Variants in DNAH6 observed in about 807,000 individuals in gnomAD.
DNAH6 encodes the protein dynein axonemal heavy chain 6.
A neutral mutation model predicts 491.4 loss-of-function variants in DNAH6; 340 were observed. That is an observed-to-expected ratio of 0.69 (90% confidence interval 0.63 to 0.76). The LOEUF (loss-of-function observed/expected upper bound fraction) is 0.76, where lower values mean the gene tolerates loss of function less well. Among genes scored for constraint, DNAH6 ranks in the 30% least tolerant of loss-of-function variants. DNAH6 has a pLI of 0.00. For synonymous variants in DNAH6, 1,603 were observed against 1,686.1 expected (o/e 0.95, Z 1.21); for missense variants, 4,443 against 4,972.2 (o/e 0.89, Z 3.20).
chr2:84,655,552 A>G (rs907098413), intron 35 of DNAH6, among the ~76,000 whole-genome samples: 1 of 152,132 alleles, frequency 6.6e-6, no homozygotes, highest in Non-Finnish European at 1.5e-5. Context: ...AGGCATCAAC[A>G]GTTTTAAGAA....
intron 63 of DNAH6, among the ~76,000 whole-genome samples, chr2:84,756,132 C>T (rs993533990): frequency 1.3e-5 from 2 of 152,180 alleles, no homozygotes; most frequent in Non-Finnish European, 2.9e-5. Context: ...AAAATGGACT[C>T]ATACACTATC....
At chr2:84,587,452 A>C (rs1341845937) in intron 15 of DNAH6, among the ~76,000 whole-genome samples, 1 of 152,198 alleles carries the variant, frequency 6.6e-6, no homozygotes, top group East Asian at 1.9e-4. Context: ...AGCATGATGC[A>C]CTTACACAAA....
At chr2:84,678,062 G>C (rs572880072) in intron 41 of DNAH6, among the ~76,000 whole-genome samples, 18 of 152,290 alleles carry the variant, frequency 1.2e-4, no homozygotes, top group Admixed American at 1.3e-4. Flanking sequence ...TCTCTCAAGA[G>C]GGACAGACCC....
intron 61 of DNAH6, among the ~76,000 whole-genome samples, chr2:84,733,200 T>C (rs1699258590): frequency 6.6e-6 from 1 of 152,230 alleles, no homozygotes; most frequent in Non-Finnish European, 1.5e-5. Context: ...GTAGCAGATT[T>C]AATTGATCCA....
chr2:84,600,947 A>G (rs1685146638), intron 18 of DNAH6, among the ~76,000 whole-genome samples: 1 of 145,960 alleles, frequency 6.9e-6, no homozygotes, highest in Non-Finnish European at 1.5e-5. Context: ...ATAAGGTATA[A>G]TACTATAAGG....
At chr2:84,663,355 A>G (rs1481538893) in intron 37 of DNAH6, among the ~76,000 whole-genome samples, 2 of 152,180 alleles carry the variant, frequency 1.3e-5, no homozygotes, top group Admixed American at 6.5e-5. Flanking sequence ...GACAAAAAAG[A>G]TTAGACAAAT....
chr2:84,741,917 T>C (rs2105027791), intron 62 of DNAH6, among the ~76,000 whole-genome samples: 1 of 152,368 alleles, frequency 6.6e-6, no homozygotes, highest in East Asian at 1.9e-4. Context: ...AACCCTGTTT[T>C]GGAGCTCCAG....
At chr2:84,661,366 T>C (rs1691494004) in intron 37 of DNAH6, among the ~76,000 whole-genome samples, 1 of 152,022 alleles carries the variant, frequency 6.6e-6, no homozygotes, top group Non-Finnish European at 1.5e-5. Flanking sequence ...AAATAAGACA[T>C]ACAAACTTTG....
At chr2:84,506,747 G>T in the DNAH6 span, among the ~76,000 whole-genome samples, 12 of 152,084 alleles carry the variant, frequency 7.9e-5, no homozygotes, top group Non-Finnish European at 1.5e-4. Context: ...TTTTGTATAA[G>T]GTGTAAGGAA....
chr2:84,676,905 AT>A (rs1693279741), intron 40 of DNAH6, 99 bp from the exon 41 acceptor site: 1 of 1,341,204 alleles, frequency 7.5e-7, no homozygotes, highest in African/African-American at 1.5e-5. Flanking sequence ...ACAAAAAAAA[AT>A]GTAATGCAAT....
Position 84,784,307 on chromosome 2 carries a change from G to A in DNAH6, c.10865-415G>A, listed in dbSNP as rs75864353. Among the ~76,000 whole-genome samples the A allele has an allele frequency of 2.9e-4, 44 of 152,248 alleles. 1 individual carries two copies. In the East Asian group the frequency reaches 7.7e-3, roughly 27 times the overall value. ...TTCTGCTGAGGGGAGAATTTTCTCA[G>A]TAGGGGTTTTTGGCCATTTTCATGC... On this transcript the variant is annotated intron_variant, in intron 65 of 76. Transcript: ENST00000389394.
rs1420121207 is a variant in DNAH6 at position 84,611,847 on chromosome 2, T to C, written c.3468T>C (p.Thr1156=). The C allele has an allele frequency of 6.4e-7, 1 of 1,550,432 alleles. No homozygotes were observed. The highest frequency in any genetic ancestry group is 8.7e-7 in the Non-Finnish European group (1 of 1,146,296). The part of the protein sequence containing the change: ...NRLPNALRAA[T]QPGLLETFQN... ...TGCCTAATGCTCTTCGAGCCGCTAC[T>C]CAGCCAGGTATGAAACAAAATTCCA... Residue 1156 remains threonine, a synonymous_variant, in exon 22 of 77, where the codon ACT becomes ACC. Coordinates refer to ENST00000389394, the MANE Select transcript of DNAH6 (RefSeq NM_001370.2).
chr2:84,487,776 G>GC, the DNAH6 span, among the ~76,000 whole-genome samples: 1 of 152,144 alleles, frequency 6.6e-6, no homozygotes, highest in Non-Finnish European at 1.5e-5. Flanking sequence ...GCAAGGGCAG[G>GC]CCCCTTTCCA....
rs192646174 is a variant in DNAH6 at position 84,805,744 on chromosome 2, A to G, written c.11561A>G (p.Asn3854Ser). Reference sequence around the variant, plus strand: ...TCTACTGGTGGAGAGGGAAAAAGCAATGACGAAATTGTTCAAGAACTTGTT... The same window carrying G: ...TCTACTGGTGGAGAGGGAAAAAGCAGTGACGAAATTGTTCAAGAACTTGTT... ...RSSTGGEGKSNDEIVQELVAS... is the reference protein window; with the variant it reads ...RSSTGGEGKSSDEIVQELVAS... The change falls in exon 71 of 77, where the codon AAT (asparagine) becomes AGT (serine). Residue 3854 changes from asparagine (N) to serine (S), a missense_variant. Transcript: ENST00000389394. 1.9e-3 allele frequency: 2,970 copies of G among 1,551,710 alleles called. 10 individuals are homozygous for G. Among genetic ancestry groups the G allele is most frequent in the Middle Eastern group, 5.8e-3 (35 of 5,990 alleles).
chr2:84,763,699 A>G (rs1674800950), intron 64 of DNAH6, among the ~76,000 whole-genome samples: 1 of 143,660 alleles, frequency 7.0e-6, no homozygotes, highest in Admixed American at 7.0e-5. Context: ...TCTCCAGAGA[A>G]ATAGAACTGA....
chr2:84,582,494 C>T (rs1319536692), intron 14 of DNAH6, among the ~76,000 whole-genome samples: 1 of 152,220 alleles, frequency 6.6e-6, no homozygotes, highest in African/African-American at 2.4e-5. Context: ...CTCTGTCGCC[C>T]GGCCTGGAGT....
intron 11 of DNAH6, among the ~76,000 whole-genome samples, chr2:84,562,809 A>G (rs1680808836): frequency 1.3e-5 from 2 of 152,324 alleles, no homozygotes; most frequent in Non-Finnish European, 1.5e-5. Flanking sequence ...TAGGGTCTCA[A>G]TGAGGAAGGT....
chr2:84,570,996 G>C (rs567348633), intron 11 of DNAH6, among the ~76,000 whole-genome samples: 2 of 152,084 alleles, frequency 1.3e-5, no homozygotes, highest in African/African-American at 4.8e-5. Context: ...GTGAGAGTCC[G>C]GGGCTTCATT....
Position 84,713,113 on chromosome 2 carries a change from C to G in DNAH6, c.9397C>G (p.Pro3133Ala). The G allele has an allele frequency of 6.4e-7, 1 of 1,550,928 alleles. No homozygotes were observed. Among genetic ancestry groups the G allele is most frequent in the Non-Finnish European group, 8.7e-7 (1 of 1,146,634 alleles). The change falls in exon 57 of 77, where the codon CCA becomes GCA. Residue 3133 changes from proline (P) to alanine (A), a missense_variant. Pro to Ala is a conservative substitution (Grantham distance 27, BLOSUM62 -1). Around this residue, in one of 3 missense-constraint regions of DNAH6, gnomAD observed 1,463 missense variants for 1,656.6 expected, o/e 0.88. Coordinates refer to ENST00000389394, the MANE Select transcript of DNAH6 (RefSeq NM_001370.2). ...TTCTAAGCTTAAGGAAACCTTGGAT[C>G]CAGCTCTAGAACCCATTCTTTTGAA... ...LLEELKETLD[P>A]ALEPILLKQI... is the part of the protein sequence containing the mutation.
Sources: gnomAD v4.1 joint callset for allele counts (sites outside exome capture counted in the v4.1 genomes callset) on GRCh38, gnomAD v4.1.1 for gene constraint, gnomAD v4.1.1 regional missense constraint, MANE v1.5 for transcripts, NCBI Gene and HGNC (gene_info 2026-07-23, HGNC 2026-07-21) for gene names.